OPRD1: variants seen among roughly 807,000 people sequenced by gnomAD.
OPRD1 encodes the protein opioid receptor delta 1.
A neutral mutation model predicts 17.5 loss-of-function variants in OPRD1; 19 were observed. The ratio of observed to expected loss-of-function variants is 1.09; its 90% CI spans 0.76 to 1.60. The LOEUF (loss-of-function observed/expected upper bound fraction) is 1.60. OPRD1 is among the 40% of genes most tolerant of loss of function. OPRD1 has a pLI of 0.00. For missense variants in OPRD1, 483 were observed against 547.2 expected (o/e 0.88, Z 1.17); for synonymous variants, 256 against 240.9 (o/e 1.06, Z -0.58).
chr1:28,862,975 G>C lies in OPRD1; in HGVS notation c.811G>C (p.Val271Leu), dbSNP rs548573683. The C allele has an allele frequency of 1.8e-5, 29 of 1,611,352 alleles. No homozygotes were observed. In the South Asian group the frequency reaches 3.2e-4, roughly 18 times the overall value. Residue 271 changes from valine (V) to leucine (L), a missense_variant, in exon 3 of 3, where the codon GTG becomes CTG. By Grantham distance (32) the Val-to-Leu change is conservative. Coordinates refer to ENST00000234961, the MANE Select transcript of OPRD1 (RefSeq NM_000911.4). ...GGTGCTGGTGGTTGTGGGCGCCTTC[G>C]TGGTGTGTTGGGCGCCCATCCACAT... ...RMVLVVVGAFVVCWAPIHIFV... is the reference protein window; with the variant it reads ...RMVLVVVGAFLVCWAPIHIFV...
chr1:28,835,123 G>A (rs2088841146), intron 1 of OPRD1, among the ~76,000 whole-genome samples: 1 of 152,180 alleles, frequency 6.6e-6, no homozygotes, highest in African/African-American at 2.4e-5. Context: ...CAAAGGACCT[G>A]TCCTATTTCC....
In OPRD1 at chr1:28,863,223, C is replaced by T. The variant is rs369999443; in HGVS notation, c.1059C>T (p.Ala353=). 8 of 1,571,028 alleles carry T rather than the reference C, an allele frequency of 5.1e-6. No individual in the cohort carries two copies. The highest frequency in any genetic ancestry group is 3.6e-5 in the Admixed American group (2 of 55,950). The change falls in exon 3 of 3, where the codon GCC becomes GCT. Residue 353 remains alanine, a synonymous_variant. Coordinates refer to ENST00000234961, the MANE Select transcript of OPRD1 (RefSeq NM_000911.4). The part of the protein sequence containing the change: ...SSFSRAREAT[A]RERVTACTPS... ...TCAGCCGCGCCCGCGAAGCCACGGC[C>T]CGCGAGCGTGTCACCGCCTGCACCC...
intron 1 of OPRD1, among the ~76,000 whole-genome samples, chr1:28,816,352 C>A (rs1040149222): frequency 1.3e-5 from 2 of 151,998 alleles, no homozygotes; most frequent in Non-Finnish European, 2.9e-5. Flanking sequence ...ATCAGAGAAG[C>A]CTCTGCAGAG....
At chr1:28,824,102 C>T (rs1403934712) in intron 1 of OPRD1, among the ~76,000 whole-genome samples, 2 of 148,186 alleles carry the variant, frequency 1.3e-5, no homozygotes, top group Non-Finnish European at 3.0e-5. Context: ...TCGCTTGAGC[C>T]TGGGAGGCGG....
At position 28,868,086 on chromosome 1, in the gene OPRD1, T is replaced by G. The variant is rs1192938019; in HGVS notation, c.*4803T>G. ...CCCAGGAGGAGGGAGTGATGGATAATGTCAAGTGTCATAAGAGAGGATGCG... is the reference window on the plus strand; with the variant it reads ...CCCAGGAGGAGGGAGTGATGGATAAGGTCAAGTGTCATAAGAGAGGATGCG... On this transcript the variant is annotated 3_prime_UTR_variant, in exon 3 of 3. Transcript: ENST00000234961. The G allele has an allele frequency of 6.6e-6, 1 of 152,352 alleles. No individual in the cohort carries two copies. The highest frequency in any genetic ancestry group is 1.5e-5 in the Non-Finnish European group (1 of 68,092). 9.4% of individuals were successfully genotyped at this position (152,352 alleles called of 1,614,324 possible).
At chr1:28,816,827 A>G (rs751177963) in intron 1 of OPRD1, among the ~76,000 whole-genome samples, 3 of 152,030 alleles carry the variant, frequency 2.0e-5, no homozygotes, top group Non-Finnish European at 4.4e-5. Context: ...GAGACTTCCC[A>G]TGGGCAGCCC....
rs1436201992 is a variant in OPRD1, at chr1:28,858,958, A to G, written c.232A>G (p.Thr78Ala). The G allele has an allele frequency of 6.2e-7, 1 of 1,608,686 alleles. No individual in the cohort carries two copies. The highest frequency in any genetic ancestry group is 1.7e-5 in the Admixed American group (1 of 60,000). ...ACACATGCATTTCTTTCTAAGGTAC[A>G]CTAAGATGAAGACGGCCACCAACAT... is the stretch of plus-strand genomic sequence containing the variant. ...VLVMFGIVRY[T>A]KMKTATNIYI... The change falls in exon 2 of 3, where the codon ACT (threonine) becomes GCT (alanine). Residue 78 changes from threonine to alanine, a missense_variant. Thr to Ala is a moderately conservative substitution (Grantham distance 58). Coordinates refer to ENST00000234961, the MANE Select transcript of OPRD1 (RefSeq NM_000911.4).
intron 1 of OPRD1, among the ~76,000 whole-genome samples, chr1:28,824,866 C>G (rs1367618109): frequency 1.3e-5 from 2 of 152,020 alleles, no homozygotes; most frequent in East Asian, 3.9e-4. Flanking sequence ...GAGTCTCGCT[C>G]TGTTGCCCAT....
Position 28,871,202 on chromosome 1 carries a change from A to C in OPRD1, c.*7919A>C, listed in dbSNP as rs2089214336. The C allele has an allele frequency of 6.6e-6, 1 of 151,598 alleles. No individual in the cohort carries two copies. The highest frequency in any genetic ancestry group is 1.5e-5 in the Non-Finnish European group (1 of 67,978). 9.4% of individuals were successfully genotyped at this position (151,598 alleles called of 1,614,324 possible). A position where few individuals can be genotyped will look rare whatever the true frequency, so the allele number is the denominator to read the frequency against. ...AGGCTTTTTGCCTACCCCAGGCTCC[A>C]TCTTGGTACCAAGTACTCAACCTTC... On this transcript the variant is annotated 3_prime_UTR_variant, in exon 3 of 3. Transcript: ENST00000234961.
intron 1 of OPRD1, among the ~76,000 whole-genome samples, chr1:28,823,050 G>C (rs905378602): frequency 6.6e-6 from 1 of 152,010 alleles, no homozygotes; most frequent in African/African-American, 2.4e-5. Flanking sequence ...CCCCATTACC[G>C]GCTGGGAGCT....
chr1:28,812,444 G>A lies in OPRD1; in HGVS notation c.61G>A (p.Asp21Asn). ...GCCCCCGCTCTTCGCCAACGCCTCG[G>A]ACGCCTACCCTAGCGCCTGCCCCAG... ...LQPPLFANAS[D>N]AYPSACPSAG... Residue 21 changes from aspartate to asparagine, a missense_variant, in exon 1 of 3, where the codon GAC becomes AAC. Physicochemically the swap from Asp to Asn is conservative, Grantham distance 23. Transcript: ENST00000234961. 6.7e-7 allele frequency: 1 copy of A among 1,501,910 alleles called. No homozygotes were observed. Among genetic ancestry groups the A allele is most frequent in the Non-Finnish European group, 8.8e-7 (1 of 1,132,402 alleles). The allele number at this position is 1,501,910 out of a possible 1,614,324, so 93.0% of individuals were successfully genotyped here. A position where few individuals can be genotyped will look rare whatever the true frequency, so the allele number is the denominator to read the frequency against.
At chr1:28,856,770 G>A (rs150269795) in intron 1 of OPRD1, among the ~76,000 whole-genome samples, 8 of 152,234 alleles carry the variant, frequency 5.3e-5, no homozygotes, top group Non-Finnish European at 1.5e-5. Context: ...CAGAGAGCAT[G>A]GAGGGATGCT....
intron 1 of OPRD1, among the ~76,000 whole-genome samples, chr1:28,819,205 G>A (rs908457736): frequency 6.6e-6 from 1 of 152,056 alleles, no homozygotes; most frequent in Non-Finnish European, 1.5e-5. Flanking sequence ...AGCTGTGCAT[G>A]GTGGTGCATG....
At position 28,812,409 on chromosome 1, in the gene OPRD1, C is replaced by G; in HGVS notation, c.26C>G (p.Ala9Gly). 6.2e-6 allele frequency: 9 copies of G among 1,456,592 alleles called. No individual in the cohort carries two copies. Among genetic ancestry groups the G allele is most frequent in the Non-Finnish European group, 8.1e-6 (9 of 1,111,046 alleles). The allele number at this position is 1,456,592 out of a possible 1,614,324, so 90.2% of individuals were successfully genotyped here. ...ATGGAACCGGCCCCCTCCGCCGGCGCCGAGCTGCAGCCCCCGCTCTTCGCC... is the reference window on the plus strand; with the variant it reads ...ATGGAACCGGCCCCCTCCGCCGGCGGCGAGCTGCAGCCCCCGCTCTTCGCC... MEPAPSAG[A>G]ELQPPLFANA... is the part of the protein sequence containing the mutation. Residue 9 changes from alanine (A) to glycine (G), a missense_variant, in exon 1 of 3, where the codon GCC becomes GGC. Coordinates refer to ENST00000234961, the MANE Select transcript of OPRD1 (RefSeq NM_000911.4).
chr1:28,858,162 G>T (rs887875934), intron 1 of OPRD1, among the ~76,000 whole-genome samples: 2 of 147,398 alleles, frequency 1.4e-5, no homozygotes, highest in African/African-American at 5.0e-5. Context: ...GGCCCAGGCG[G>T]GAGTGCAGTG....
At chr1:28,826,854 C>T (rs1429157750) in intron 1 of OPRD1, among the ~76,000 whole-genome samples, 1 of 152,206 alleles carries the variant, frequency 6.6e-6, no homozygotes, top group Non-Finnish European at 1.5e-5. Context: ...TAGCATCTTA[C>T]CAACAGTAGA....
intron 1 of OPRD1, among the ~76,000 whole-genome samples, chr1:28,824,182 A>G (rs866085195): frequency 2.8e-3 from 411 of 148,990 alleles, no homozygotes; most frequent in African/African-American, 8.4e-3. Flanking sequence ...CTATCTCCAA[A>G]AAAAAAAAAA....
chr1:28,851,322 C>T (rs2089000814), intron 1 of OPRD1, among the ~76,000 whole-genome samples: 1 of 152,212 alleles, frequency 6.6e-6, no homozygotes, highest in Admixed American at 6.5e-5. Context: ...TGGAAAATTA[C>T]TTCCAACCTA....
intron 1 of OPRD1, among the ~76,000 whole-genome samples, chr1:28,857,380 AT>A (rs2089065948): frequency 6.6e-6 from 1 of 152,082 alleles, no homozygotes; most frequent in African/African-American, 2.4e-5. Context: ...TAGAACCCAG[AT>A]TTGCTTTCTG....
Sources: gnomAD v4.1 joint callset for allele counts (sites outside exome capture counted in the v4.1 genomes callset) on GRCh38, gnomAD v4.1.1 for gene constraint, MANE v1.5 for transcripts, NCBI Gene and HGNC (gene_info 2026-07-23, HGNC 2026-07-21) for gene names.